CD163L1: variants seen among roughly 807,000 people sequenced by gnomAD.
CD163L1 encodes the protein CD163 molecule like 1, also known as scavenger receptor cysteine-rich type 1 protein M160.
Under a neutral mutation model 165.4 loss-of-function variants are expected in CD163L1, and 124 were observed. The observed-to-expected ratio is 0.75, with a 90% CI of 0.65 to 0.87. The LOEUF (loss-of-function observed/expected upper bound fraction) is 0.87. Ranked by LOEUF, CD163L1 falls within the 40% of genes least tolerant of loss-of-function variation. The probability of loss-of-function intolerance (pLI) is 0.00; values close to 1 mark genes in which losing one functional copy is unlikely to be tolerated. For missense variants in CD163L1, 1,525 were observed against 1,799.9 expected (o/e 0.85, Z 2.76); for synonymous variants, 585 against 662.2 (o/e 0.88, Z 1.79).
intron 4 of CD163L1, among the ~76,000 whole-genome samples, chr12:7,415,636 C>T (rs936916596): frequency 2.0e-5 from 3 of 151,898 alleles, no homozygotes; most frequent in Admixed American, 6.6e-5. Flanking sequence ...TCCATGTGTT[C>T]TCACTGTTTG....
chr12:7,345,287 A>G (rs1946662174), downstream of CD163L1, among the ~76,000 whole-genome samples: 2 of 152,134 alleles, frequency 1.3e-5, no homozygotes, highest in South Asian at 4.2e-4. Context: ...CCACATCTTG[A>G]ATGCTTCACT....
the CD163L1 span, chr12:7,324,417 C>T: frequency 3.1e-6 from 5 of 1,613,910 alleles, no homozygotes; most frequent in Non-Finnish European, 1.7e-6. Context: ...ATATTTGCCA[C>T]TCTGAAGAGG....
At chr12:7,361,417 A>G (rs781563703) in intron 18 of CD163L1, among the ~76,000 whole-genome samples, 3 of 152,210 alleles carry the variant, frequency 2.0e-5, no homozygotes, top group Non-Finnish European at 2.9e-5. Flanking sequence ...AATAAGAGAA[A>G]AGAGAATGAG....
chr12:7,378,783 G>T (rs993247060), intron 9 of CD163L1, among the ~76,000 whole-genome samples, 195 bp downstream of exon 9: 6 of 151,730 alleles, frequency 4.0e-5, no homozygotes, highest in African/African-American at 1.2e-4. Context: ...TCTACTTCAC[G>T]CAATTTTAAA....
Position 7,439,865 on chromosome 12 carries a change from C to T in CD163L1, c.124+1289G>A, listed in dbSNP as rs962393893. On this transcript the variant is annotated intron_variant, in intron 2 of 19. Coordinates refer to ENST00000313599, the MANE Select transcript of CD163L1 (RefSeq NM_174941.6). ...TCGCCAAAGGCCTCCGCTCCTCTCG[C>T]GGCTGCGTCATTATCCCCGCCCACT... The T allele has an allele frequency of 5.6e-6, 9 of 1,611,138 alleles. No homozygotes were observed. In the Admixed American group the frequency reaches 1.5e-4, roughly 27 times the overall value.
rs1947184939 is a variant in CD163L1 at position 7,373,464 on chromosome 12, G to A, written c.3586C>T (p.Pro1196Ser). 6.2e-7 allele frequency: 1 copy of A among 1,614,150 alleles called. No individual in the cohort carries two copies. Residue 1196 changes from proline to serine, a missense_variant, in exon 14 of 20, where the codon CCT (proline) becomes TCT (serine). Physicochemically the swap from Pro to Ser is moderately conservative, Grantham distance 74. Transcript: ENST00000313599. ...CGENGVVSLA[P>S]LSKTGSGFMW... ...AAACCAGAGCCTGTCTTAGATAAAG[G>A]GGCGAGGCTGACAACTCCATTCTCC...
the CD163L1 span, among the ~76,000 whole-genome samples, chr12:7,331,873 C>T: frequency 1.8e-4 from 28 of 152,250 alleles, no homozygotes; most frequent in East Asian, 3.9e-4. Context: ...AAAATCAGAG[C>T]GCCTCTCCTC....
At chr12:7,382,392 G>A (rs998421144) in intron 8 of CD163L1, among the ~76,000 whole-genome samples, 1 of 152,096 alleles carries the variant, frequency 6.6e-6, no homozygotes, top group African/African-American at 2.4e-5. Flanking sequence ...ATTTCACAAC[G>A]AATAGTGTCT....
chr12:7,424,131 G>A (rs866411420), intron 4 of CD163L1, among the ~76,000 whole-genome samples: 3 of 152,150 alleles, frequency 2.0e-5, no homozygotes, highest in Middle Eastern at 3.4e-3. Flanking sequence ...TATCCACCAC[G>A]ATCAAATCGG....
chr12:7,373,996 T>C (rs993328959), intron 13 of CD163L1, among the ~76,000 whole-genome samples: 5 of 152,222 alleles, frequency 3.3e-5, no homozygotes, highest in African/African-American at 1.2e-4. Flanking sequence ...GGGTTCTTAG[T>C]TTCTGCTTCT....
intron 4 of CD163L1, among the ~76,000 whole-genome samples, chr12:7,411,643 G>A (rs1020339045): frequency 6.6e-6 from 1 of 152,216 alleles, no homozygotes; most frequent in African/African-American, 2.4e-5. Flanking sequence ...CTCACCAGAA[G>A]CAGTTGCTGG....
At chr12:7,378,875 A>T in intron 9 of CD163L1, 103 bp downstream of exon 9, 1 of 983,984 alleles carries the variant, frequency 1.0e-6, no homozygotes, top group Non-Finnish European at 1.5e-6. Context: ...TAGTTCATTT[A>T]CTTTTGACCT....
intron 8 of CD163L1, among the ~76,000 whole-genome samples, chr12:7,382,545 G>T (rs1277590320): frequency 6.6e-6 from 1 of 152,156 alleles, no homozygotes; most frequent in African/African-American, 2.4e-5. Flanking sequence ...AAGAATAAAT[G>T]AGAGATTCCT....
downstream of CD163L1, among the ~76,000 whole-genome samples, chr12:7,353,738 A>G (rs1422742490): frequency 6.6e-6 from 1 of 152,064 alleles, no homozygotes; most frequent in East Asian, 1.9e-4. Context: ...ACTTTTTCAT[A>G]TTTATTATTG....
rs1172975656 is a variant in CD163L1, at chr12:7,398,733, C to G, written c.1409-149G>C. 1 of 633,766 alleles carries G rather than the reference C, an allele frequency of 1.6e-6. No individual in the cohort carries two copies. The highest frequency in any genetic ancestry group is 1.9e-5 in the African/African-American group (1 of 53,346). 39.3% of individuals were successfully genotyped at this position (633,766 alleles called of 1,614,324 possible). Reference sequence around the variant, plus strand: ...TTGAATGAAAAGTTTGGTTTTCTTTCTTTTGACAATTTTTTATTCAATTTT... The same window carrying G: ...TTGAATGAAAAGTTTGGTTTTCTTTGTTTTGACAATTTTTTATTCAATTTT... On this transcript the variant is annotated intron_variant, in intron 6 of 19. Coordinates refer to ENST00000313599, the MANE Select transcript of CD163L1 (RefSeq NM_174941.6). The surrounding 1 kb of genome is among the most constrained non-coding windows in gnomAD (Gnocchi z 4.5).
At chr12:7,382,667 CGTT>C (rs1947436152) in intron 8 of CD163L1, among the ~76,000 whole-genome samples, 1 of 152,148 alleles carries the variant, frequency 6.6e-6, no homozygotes, top group Non-Finnish European at 1.5e-5. Flanking sequence ...TGCACAATAG[CGTT>C]GTTCCAGAGG....
Position 7,379,090 on chromosome 12 carries a change from T to G in CD163L1, c.2259A>C (p.Leu753Phe). 1 of 1,614,162 alleles carries G rather than the reference T, an allele frequency of 6.2e-7. No individual in the cohort carries two copies. Reference sequence around the variant, plus strand: ...CTCCAGTGCAGCCAGAATTCGACATTAAGATGTGTAATGTTCTTTCTGTGA... The same window carrying G: ...CTCCAGTGCAGCCAGAATTCGACATGAAGATGTGTAATGTTCTTTCTGTGA... ...PHFTERTLHI[L>F]MSNSGCTGGE... is the part of the protein sequence containing the mutation. The change falls in exon 9 of 20, where the codon TTA becomes TTC. Residue 753 changes from leucine to phenylalanine, a missense_variant. Physicochemically the swap from Leu to Phe is conservative, Grantham distance 22. Transcript: ENST00000313599.
At chr12:7,421,024 C>CATATATATATACGTGTATATATATACAT (rs1453397780) in intron 4 of CD163L1, among the ~76,000 whole-genome samples, 6 of 105,024 alleles carry the variant, frequency 5.7e-5, no homozygotes, top group African/African-American at 2.3e-4. Flanking sequence ...TATATATATA[C>CATATATATATACGTGTATATATATACAT]ATATATATAT....
the CD163L1 span, among the ~76,000 whole-genome samples, chr12:7,322,807 A>T: frequency 3.9e-5 from 6 of 152,174 alleles, no homozygotes; most frequent in African/African-American, 1.4e-4. Flanking sequence ...TTCAGAACTG[A>T]GCAGCTCATC....
Sources: allele counts gnomAD v4.1 joint callset (sites outside exome capture counted in the v4.1 genomes callset), GRCh38; gene constraint gnomAD v4.1.1; non-coding constraint Gnocchi (gnomAD v3.1); transcripts MANE v1.5; gene names NCBI Gene and HGNC (gene_info 2026-07-23, HGNC 2026-07-21).